Variants in GALNTL6 observed in about 807,000 individuals in gnomAD.
GALNTL6 encodes polypeptide N-acetylgalactosaminyltransferase-like 6.
Under a neutral mutation model 73.7 loss-of-function variants are expected in GALNTL6, and 46 were observed. The observed-to-expected ratio is 0.62, with a 90% CI of 0.49 to 0.80. GALNTL6 has a LOEUF of 0.80. Among genes scored for constraint, GALNTL6 ranks in the 30% least tolerant of loss-of-function variants. The probability of loss-of-function intolerance (pLI) is 0.00; values close to 1 mark genes in which losing one functional copy is unlikely to be tolerated. For missense variants in GALNTL6, 604 were observed against 755.0 expected, an observed-to-expected ratio of 0.80 and a Z score of 2.34; for synonymous variants, 259 against 263.7, an observed-to-expected ratio of 0.98 and a Z score of 0.17.
intron 2 of GALNTL6, among the ~76,000 whole-genome samples, chr4:171,967,450 T>TTTTTTTGTTTTG (rs10634189): frequency 2.2e-5 from 3 of 133,364 alleles, no homozygotes; most frequent in African/African-American, 3.3e-5. Context: ...CCTATGGGTT[T>TTTTTTTGTTTTG]TTTTTTTTTT....
At position 172,576,765 on chromosome 4, in the gene GALNTL6, A is replaced by G. The variant is rs1736971450; in HGVS notation, c.553+228076A>G. On this transcript the variant is annotated intron_variant, in intron 5 of 12. Coordinates refer to ENST00000506823, the MANE Select transcript of GALNTL6 (RefSeq NM_001034845.3). Reference sequence around the variant, plus strand: ...AACTACTATCACTAAGAAAAAGCCTAATAAGGAAACTATTGTCTCAATAGA... The same window carrying G: ...AACTACTATCACTAAGAAAAAGCCTGATAAGGAAACTATTGTCTCAATAGA... Among the ~76,000 whole-genome samples, 4 of 152,156 alleles carry G rather than the reference A, an allele frequency of 2.6e-5. No individual in the cohort carries two copies. The South Asian group carries it at 6.2e-4, about 24-fold the overall frequency.
chr4:172,981,323 G>A (rs1751053728), intron 10 of GALNTL6, among the ~76,000 whole-genome samples: 1 of 152,180 alleles, frequency 6.6e-6, no homozygotes, highest in African/African-American at 2.4e-5. Flanking sequence ...TACCAACAGT[G>A]CACGAGGGTT....
At chr4:172,624,909 C>T (rs555528176) in intron 5 of GALNTL6, among the ~76,000 whole-genome samples, 2 of 151,930 alleles carry the variant, frequency 1.3e-5, no homozygotes, top group African/African-American at 4.8e-5. Flanking sequence ...CTGATCCTGT[C>T]ACCCAGGTAG....
chr4:172,783,411 T>A (rs892575816), intron 5 of GALNTL6, among the ~76,000 whole-genome samples: 26 of 147,596 alleles, frequency 1.8e-4, no homozygotes, highest in Non-Finnish European at 2.7e-4. Context: ...TAATATTATT[T>A]ATAATAATAA....
chr4:172,094,154 A>G (rs1732284697), intron 2 of GALNTL6, among the ~76,000 whole-genome samples: 1 of 152,130 alleles, frequency 6.6e-6, no homozygotes, highest in South Asian at 2.1e-4. Flanking sequence ...TTTATGTAAA[A>G]CAATTTTTCA....
rs1343919005 is a variant in GALNTL6, at chr4:171,932,973, C to A, written c.138+118255C>A. On this transcript the variant is annotated intron_variant, in intron 2 of 12. Coordinates refer to ENST00000506823, the MANE Select transcript of GALNTL6 (RefSeq NM_001034845.3). ...TGCAGAGCAGCAGCATCAGTATCAC[C>A]TGTGTGTTTGCCAGAAATTCAGAAT... Among the ~76,000 whole-genome samples, 9 of 152,268 alleles carry A rather than the reference C, an allele frequency of 5.9e-5. No homozygotes were observed. In the East Asian group the frequency reaches 1.7e-3, roughly 29 times the overall value.
intron 7 of GALNTL6, among the ~76,000 whole-genome samples, chr4:172,829,486 T>C (rs373137330): frequency 1.3e-5 from 2 of 152,270 alleles, no homozygotes; most frequent in East Asian, 3.9e-4. Flanking sequence ...AGAAAGTAAA[T>C]GGGGATGCAG....
At chr4:171,942,789 GTCAGC>G (rs1738589923) in intron 2 of GALNTL6, among the ~76,000 whole-genome samples, 1 of 152,210 alleles carries the variant, frequency 6.6e-6, no homozygotes. Context: ...TTACGAATGG[GTCAGC>G]TGTCCCAAGT....
intron 8 of GALNTL6, among the ~76,000 whole-genome samples, chr4:172,904,142 T>G (rs1334950484): frequency 6.6e-6 from 1 of 152,220 alleles, no homozygotes; most frequent in African/African-American, 2.4e-5. Context: ...ATGGAAAAAC[T>G]AGCATAATCA....
intron 5 of GALNTL6, among the ~76,000 whole-genome samples, chr4:172,663,939 A>AG (rs1264464933): frequency 3.9e-4 from 24 of 62,154 alleles, no homozygotes; most frequent in Middle Eastern, 7.5e-3. Flanking sequence ...CAAAAAAAAA[A>AG]AAAAGAAAGA....
intron 5 of GALNTL6, among the ~76,000 whole-genome samples, chr4:172,733,292 C>A (rs1013304165): frequency 6.6e-6 from 1 of 152,156 alleles, no homozygotes; most frequent in Non-Finnish European, 1.5e-5. Flanking sequence ...AGCCTGTTGC[C>A]AAACTAATTG....
At chr4:171,982,458 C>T (rs915316776) in intron 2 of GALNTL6, among the ~76,000 whole-genome samples, 14 of 151,970 alleles carry the variant, frequency 9.2e-5, no homozygotes, top group Non-Finnish European at 1.5e-4. Context: ...CCACCACGCC[C>T]GGCTGATTTT....
intron 2 of GALNTL6, among the ~76,000 whole-genome samples, chr4:171,929,455 C>T (rs980023283): frequency 6.6e-6 from 1 of 152,200 alleles, no homozygotes; most frequent in Non-Finnish European, 1.5e-5. Flanking sequence ...GCCAACTAGA[C>T]TTGCCTGGCA....
chr4:172,550,780 C>T (rs1466565583), intron 5 of GALNTL6, among the ~76,000 whole-genome samples: 3 of 152,074 alleles, frequency 2.0e-5, no homozygotes, highest in Non-Finnish European at 2.9e-5. Flanking sequence ...AATATTTTCT[C>T]TGAATTTACC....
At chr4:172,027,146 AC>A (rs1219849960) in intron 2 of GALNTL6, among the ~76,000 whole-genome samples, 6 of 151,772 alleles carry the variant, frequency 4.0e-5, no homozygotes, top group African/African-American at 1.2e-4. Context: ...TCCCACTTCA[AC>A]CTCCCAAATT....
chr4:172,919,540 C>T (rs925313683), intron 8 of GALNTL6, among the ~76,000 whole-genome samples: 2 of 152,072 alleles, frequency 1.3e-5, no homozygotes, highest in Non-Finnish European at 2.9e-5. Flanking sequence ...CCCAAGTGAG[C>T]GGCAAAGGAA....
intron 2 of GALNTL6, among the ~76,000 whole-genome samples, chr4:171,831,929 G>A (rs549694909): frequency 3.3e-5 from 5 of 151,506 alleles, no homozygotes; most frequent in African/African-American, 7.2e-5. Flanking sequence ...GGACACAAAA[G>A]TATTTTTTTA....
intron 5 of GALNTL6, among the ~76,000 whole-genome samples, chr4:172,390,806 T>C (rs1743641065): frequency 6.6e-6 from 1 of 152,162 alleles, no homozygotes; most frequent in Non-Finnish European, 1.5e-5. Context: ...TAGTGTTATA[T>C]TTAAACACAG....
At chr4:172,416,646 A>T (rs1210737058) in intron 5 of GALNTL6, among the ~76,000 whole-genome samples, 2 of 152,154 alleles carry the variant, frequency 1.3e-5, no homozygotes, top group Non-Finnish European at 2.9e-5. Context: ...ATTTTAATTC[A>T]TATTAGATTT....
Sources: gnomAD v4.1 joint callset for allele counts (sites outside exome capture counted in the v4.1 genomes callset) on GRCh38, gnomAD v4.1.1 for gene constraint, MANE v1.5 for transcripts, NCBI Gene and HGNC (gene_info 2026-07-23, HGNC 2026-07-21) for gene names.